The following TMA16 variants were observed in gnomAD, a reference collection of about 807,000 sequenced individuals.
TMA16 encodes the protein translation machinery associated 16 homolog, also known as translation machinery-associated protein 16.
In TMA16, 26 loss-of-function variants were observed where a neutral mutation model predicts 27.1. The observed-to-expected ratio is 0.96, with a 90% CI of 0.70 to 1.33. The LOEUF is 1.33. TMA16 is among the 40% of genes most tolerant of loss of function. TMA16 has a pLI of 0.00. For missense variants in TMA16, 233 were observed against 241.4 expected (o/e 0.97, Z 0.23); for synonymous variants, 71 against 81.9 (o/e 0.87, Z 0.72).
intron 2 of TMA16, among the ~76,000 whole-genome samples, chr4:163,508,320 T>A (rs1316093214): frequency 6.6e-6 from 1 of 152,200 alleles, no homozygotes; most frequent in African/African-American, 2.4e-5. Flanking sequence ...GGTTTCTGGC[T>A]TAAGGGTTTC....
At chr4:163,507,892 A>G (rs1737740676) in intron 2 of TMA16, among the ~76,000 whole-genome samples, 1 of 151,920 alleles carries the variant, frequency 6.6e-6, no homozygotes, top group South Asian at 2.1e-4. Context: ...ATACATTTGC[A>G]TACCAGATAA....
At chr4:163,515,595 G>C in intron 5 of TMA16, 134 bp downstream of exon 5, 1 of 1,195,982 alleles carries the variant, frequency 8.4e-7, no homozygotes, top group Non-Finnish European at 1.1e-6. Flanking sequence ...TCTTTGTGAG[G>C]GTTTAGAAAA....
chr4:163,519,571 A>G lies in TMA16; in HGVS notation c.*57A>G, dbSNP rs1264092650. 1.4e-6 allele frequency: 2 copies of G among 1,448,904 alleles called. No homozygotes were observed. Among genetic ancestry groups the G allele is most frequent in the African/African-American group, 3.0e-5 (2 of 67,434 alleles). 89.8% of individuals were successfully genotyped at this position (1,448,904 alleles called of 1,614,324 possible). A position where few individuals can be genotyped will look rare whatever the true frequency, so the allele number is the denominator to read the frequency against. ...TGAGAGCTTCAAATTATATTCATTGATTATGGTACCTAATTGTCATGATAC... is the reference window on the plus strand; with the variant it reads ...TGAGAGCTTCAAATTATATTCATTGGTTATGGTACCTAATTGTCATGATAC... On this transcript the variant is annotated 3_prime_UTR_variant, in exon 7 of 7. Transcript: ENST00000358572.
chr4:163,517,072 T>G, intron 5 of TMA16: 1 of 177,818 alleles, frequency 5.6e-6, no homozygotes, highest in Non-Finnish European at 1.2e-5. Flanking sequence ...CCCGGCTAAT[T>G]TTTGTATTTT....
chr4:163,511,247 T>C (rs2110805513), intron 2 of TMA16, among the ~76,000 whole-genome samples: 1 of 152,242 alleles, frequency 6.6e-6, no homozygotes, highest in Admixed American at 6.5e-5. Flanking sequence ...TTTTTCTCTT[T>C]AATTTTAGCC....
chr4:163,507,033 C>T lies in TMA16; in HGVS notation c.4C>T (p.Pro2Ser), dbSNP rs751185959. The change falls in exon 2 of 7, where the codon CCC (proline) becomes TCC (serine). Residue 2 changes from proline (P) to serine (S), a missense_variant and splice_region_variant. By Grantham distance (74) the Pro-to-Ser change is moderately conservative. Transcript: ENST00000358572. M[P>S]KAPKGKSAGR... ...TGTCATGTGTTTTCATACATTTTAG[C>T]CCAAAGCACCAAAGGGAAAAAGTGC... 5 of 1,580,982 alleles carry T rather than the reference C, an allele frequency of 3.2e-6. No individual in the cohort carries two copies. The African/African-American group carries it at 4.0e-5, about 13-fold the overall frequency.
chr4:163,510,051 A>G (rs1402522160), intron 2 of TMA16, among the ~76,000 whole-genome samples: 1 of 152,144 alleles, frequency 6.6e-6, no homozygotes, highest in Admixed American at 6.6e-5. Flanking sequence ...ACATCTCTCT[A>G]CTTTTCTTCA....
At chr4:163,509,229 A>G (rs1476724006) in intron 2 of TMA16, among the ~76,000 whole-genome samples, 2 of 152,198 alleles carry the variant, frequency 1.3e-5, no homozygotes, top group Non-Finnish European at 1.5e-5. Flanking sequence ...CACAAAAGGC[A>G]CGTTGAAACG....
intron 1 of TMA16, among the ~76,000 whole-genome samples, chr4:163,496,604 T>C (rs1737556586): frequency 6.6e-6 from 1 of 152,156 alleles, no homozygotes; most frequent in African/African-American, 2.4e-5. Flanking sequence ...TATTATTTTT[T>C]ATTTTTTTTT....
At chr4:163,512,126 A>G (rs1013705233) in intron 2 of TMA16, among the ~76,000 whole-genome samples, 3 of 152,102 alleles carry the variant, frequency 2.0e-5, no homozygotes, top group Admixed American at 2.0e-4. Context: ...TGCTTTTTAA[A>G]TATGCTTTTA....
chr4:163,512,001 C>T (rs1453267654), intron 2 of TMA16, among the ~76,000 whole-genome samples: 3 of 151,772 alleles, frequency 2.0e-5, no homozygotes, highest in East Asian at 1.9e-4. Flanking sequence ...TTACCATTCC[C>T]GTAGTCCCTA....
intron 1 of TMA16, among the ~76,000 whole-genome samples, chr4:163,501,076 T>G (rs1332123042): frequency 6.6e-6 from 1 of 152,234 alleles, no homozygotes; most frequent in South Asian, 2.1e-4. Flanking sequence ...TCACTAAAAT[T>G]GATCAGGCCA....
chr4:163,510,811 C>G (rs1560914822), intron 2 of TMA16, among the ~76,000 whole-genome samples: 1 of 152,168 alleles, frequency 6.6e-6, no homozygotes, highest in Admixed American at 6.5e-5. Flanking sequence ...AGTGGCAGAG[C>G]TGAGTAATTG....
At chr4:163,503,323 A>T (rs938843692) in intron 1 of TMA16, among the ~76,000 whole-genome samples, 1 of 119,812 alleles carries the variant, frequency 8.3e-6, no homozygotes, top group African/African-American at 3.2e-5. Context: ...TTAAACTTTA[A>T]AAAAAAAATG....
At chr4:163,508,469 A>T (rs1737747742) in intron 2 of TMA16, among the ~76,000 whole-genome samples, 1 of 152,190 alleles carries the variant, frequency 6.6e-6, no homozygotes, top group Admixed American at 6.5e-5. Context: ...TTTCTCTCTT[A>T]AAATCAAATA....
At chr4:163,509,546 C>T (rs556284599) in intron 2 of TMA16, among the ~76,000 whole-genome samples, 2 of 152,170 alleles carry the variant, frequency 1.3e-5, no homozygotes, top group Non-Finnish European at 2.9e-5. Flanking sequence ...AAGCTGTTGT[C>T]TGGGACTGCA....
intron 1 of TMA16, among the ~76,000 whole-genome samples, chr4:163,498,213 AT>A (rs1737589921): frequency 6.6e-6 from 1 of 151,828 alleles, no homozygotes; most frequent in South Asian, 2.1e-4. Flanking sequence ...TGCTGCATTG[AT>A]TATTTATCCC....
At position 163,494,810 on chromosome 4, in the gene TMA16, C is replaced by T. The variant is rs1476814515; in HGVS notation, c.3+6C>T. ...GCCACGAGGACGTCACCATGGTGGG[C>T]CCCCTCCTGCTCCCCCGAACCGCTC... On this transcript the variant is annotated splice_donor_region_variant and intron_variant, in intron 1 of 6. Transcript: ENST00000358572. 1.3e-5 allele frequency: 21 copies of T among 1,611,680 alleles called. No homozygotes were observed. The highest frequency in any genetic ancestry group is 1.7e-5 in the Non-Finnish European group (20 of 1,179,998).
intron 6 of TMA16, 95 bp from the exon 7 acceptor site, chr4:163,519,239 G>T: frequency 9.0e-7 from 1 of 1,115,594 alleles, no homozygotes; most frequent in Non-Finnish European, 1.2e-6. Flanking sequence ...TGAATATGTA[G>T]GATCCTCAGA....
Sources: allele counts gnomAD v4.1 joint callset (sites outside exome capture counted in the v4.1 genomes callset), GRCh38; gene constraint gnomAD v4.1.1; transcripts MANE v1.5; gene names NCBI Gene and HGNC (gene_info 2026-07-23, HGNC 2026-07-21).